The following ASAP1 variants were observed in gnomAD, a reference collection of about 807,000 sequenced individuals.
The protein encoded by ASAP1 is arf-GAP with SH3 domain, ANK repeat and PH domain-containing protein 1.
In ASAP1, 43 loss-of-function variants were observed where a neutral mutation model predicts 145.2. The ratio of observed to expected loss-of-function variants is 0.30; its 90% CI spans 0.23 to 0.38. The LOEUF (loss-of-function observed/expected upper bound fraction) is 0.38, where lower values mean the gene tolerates loss of function less well. Among genes scored for constraint, ASAP1 ranks in the 10% least tolerant of loss-of-function variants. The pLI, the probability that ASAP1 is intolerant of heterozygous loss-of-function variation, is 1.00. For missense variants in ASAP1, 1,018 were observed against 1,355.3 expected (o/e 0.75, Z 3.91); for synonymous variants, 546 against 515.5 (o/e 1.06, Z -0.80).
intron 3 of ASAP1, among the ~76,000 whole-genome samples, chr8:130,314,060 T>C (rs1430605738): frequency 6.6e-6 from 1 of 152,204 alleles, no homozygotes; most frequent in Non-Finnish European, 1.5e-5. Context: ...TAAATGGACA[T>C]TATAAATGAA....
At chr8:130,352,768 G>C (rs2138069640) in intron 3 of ASAP1, among the ~76,000 whole-genome samples, 1 of 152,324 alleles carries the variant, frequency 6.6e-6, no homozygotes, top group Middle Eastern at 3.4e-3. Context: ...TATAGGGTTT[G>C]CATGTAGTAG....
intron 5 of ASAP1, among the ~76,000 whole-genome samples, chr8:130,188,392 A>AT (rs1814889440): frequency 6.6e-6 from 1 of 152,174 alleles, no homozygotes; most frequent in African/African-American, 2.4e-5. Context: ...AGGTGGAGTC[A>AT]TTTGTGCAGA....
At chr8:130,220,839 A>C (rs2136493493) in intron 4 of ASAP1, among the ~76,000 whole-genome samples, 1 of 152,290 alleles carries the variant, frequency 6.6e-6, no homozygotes, top group African/African-American at 2.4e-5. Flanking sequence ...GGTAACGGCA[A>C]GGAGAAGTAT....
intron 7 of ASAP1, among the ~76,000 whole-genome samples, chr8:130,182,831 C>CAAAAAAAAAAAAAAAAAAAAAAGAA (rs35195899): frequency 1.4e-5 from 1 of 73,596 alleles, no homozygotes; most frequent in African/African-American, 5.9e-5. Flanking sequence ...TATAAAAAGG[C>CAAAAAAAAAAAAAAAAAAAAAAGAA]AAAAAAAAAA....
chr8:130,436,786 G>A (rs1204950465), intron 1 of ASAP1, among the ~76,000 whole-genome samples: 1 of 152,084 alleles, frequency 6.6e-6, no homozygotes, highest in Non-Finnish European at 1.5e-5. Context: ...GGGCAACACA[G>A]CAAGATCCTA....
chr8:130,326,509 G>T (rs1824342395), intron 3 of ASAP1, among the ~76,000 whole-genome samples: 2 of 152,208 alleles, frequency 1.3e-5, no homozygotes, highest in Non-Finnish European at 2.9e-5. Context: ...GTGCTGGAAT[G>T]GTAGTTGGTG....
chr8:130,394,177 C>A lies in ASAP1; in HGVS notation c.59+7708G>T, dbSNP rs188751076. ...AGAGATAACCTTAAACTTTGACCAC[C>A]GGTGAGCTGGGCGGAACAGAGCCAT... On this transcript the variant is annotated intron_variant, in intron 2 of 29. Coordinates refer to ENST00000518721, the MANE Select transcript of ASAP1 (RefSeq NM_018482.4). Among the ~76,000 whole-genome samples the A allele has an allele frequency of 2.9e-4, 44 of 152,296 alleles. No homozygotes were observed. The East Asian group carries it at 3.5e-3, about 12-fold the overall frequency.
chr8:130,267,589 G>C lies in ASAP1; in HGVS notation c.187-30595C>G, dbSNP rs577022327. On this transcript the variant is annotated intron_variant, in intron 3 of 29. Coordinates refer to ENST00000518721, the MANE Select transcript of ASAP1 (RefSeq NM_018482.4). ...TACAGCTAGGCTCTTAACCATTCTG[G>C]TATCTCAGCAGAACCCCTCTCCCTT... Among the ~76,000 whole-genome samples the C allele has an allele frequency of 4.2e-4, 64 of 152,334 alleles. 1 individual carries two copies. Among genetic ancestry groups the C allele is most frequent in the African/African-American group, 1.5e-3 (64 of 41,584 alleles).
intron 3 of ASAP1, among the ~76,000 whole-genome samples, chr8:130,299,007 A>C (rs143801261): frequency 6.6e-6 from 1 of 152,192 alleles, no homozygotes; most frequent in Non-Finnish European, 1.5e-5. Flanking sequence ...AAACACAAAT[A>C]AACAAACATC....
At chr8:130,277,331 G>GA (rs1026011944) in intron 3 of ASAP1, among the ~76,000 whole-genome samples, 3 of 152,268 alleles carry the variant, frequency 2.0e-5, no homozygotes, top group South Asian at 4.1e-4. Context: ...GGCAACAGGA[G>GA]AAAAACACCA....
intron 3 of ASAP1, among the ~76,000 whole-genome samples, chr8:130,286,485 T>A (rs1014638217): frequency 1.3e-5 from 2 of 152,020 alleles, no homozygotes; most frequent in Admixed American, 1.3e-4. Flanking sequence ...ACTGATGGAG[T>A]TGTAGTTACA....
intron 5 of ASAP1, among the ~76,000 whole-genome samples, chr8:130,189,546 A>G (rs1040706132): frequency 1.3e-5 from 2 of 152,114 alleles, no homozygotes; most frequent in South Asian, 2.1e-4. Flanking sequence ...TTCTTTATCT[A>G]CTCAACTGTT....
chr8:130,084,595 G>A (rs2097488704), intron 25 of ASAP1: 1 of 152,170 alleles, frequency 6.6e-6, no homozygotes, highest in South Asian at 2.1e-4. Context: ...TGCTACAGGA[G>A]TATTCTGGAA....
chr8:130,214,518 G>C, intron 5 of ASAP1, 38 bp downstream of exon 5: 1 of 1,540,092 alleles, frequency 6.5e-7, no homozygotes. Context: ...ATTTTGGAAA[G>C]GCTGTAATTC....
chr8:130,327,902 A>T (rs572292678), intron 3 of ASAP1, among the ~76,000 whole-genome samples: 7 of 152,346 alleles, frequency 4.6e-5, no homozygotes, highest in Middle Eastern at 3.4e-3. Context: ...TTAAGCACCA[A>T]TAAAGCTATT....
At chr8:130,442,591 C>T (rs537342304) in intron 1 of ASAP1, among the ~76,000 whole-genome samples, 3 of 152,220 alleles carry the variant, frequency 2.0e-5, no homozygotes, top group South Asian at 4.1e-4. Flanking sequence ...CCAAGATAAC[C>T]TAACAGAGTA....
chr8:130,327,888 T>A (rs1361052456), intron 3 of ASAP1, among the ~76,000 whole-genome samples: 1 of 152,172 alleles, frequency 6.6e-6, no homozygotes, highest in Non-Finnish European at 1.5e-5. Flanking sequence ...GTATGCTACG[T>A]GAATTAAGCA....
At chr8:130,089,673 G>A (rs1428368347) in intron 25 of ASAP1, among the ~76,000 whole-genome samples, 2 of 152,096 alleles carry the variant, frequency 1.3e-5, no homozygotes, top group Non-Finnish European at 2.9e-5. Context: ...ATACAACACA[G>A]ACCTCAAGCA....
intron 13 of ASAP1, among the ~76,000 whole-genome samples, chr8:130,142,838 A>G (rs931133786): frequency 6.6e-6 from 1 of 152,078 alleles, no homozygotes; most frequent in African/African-American, 2.4e-5. Flanking sequence ...CTACTGGAGA[A>G]AGCAGAGTGG....
Sources: allele counts gnomAD v4.1 joint callset (sites outside exome capture counted in the v4.1 genomes callset), GRCh38; gene constraint gnomAD v4.1.1; transcripts MANE v1.5; gene names NCBI Gene and HGNC (gene_info 2026-07-23, HGNC 2026-07-21).